The following BTAF1 variants were observed in gnomAD, a reference collection of about 807,000 sequenced individuals.
The protein encoded by BTAF1 is B-TFIID TATA-box binding protein associated factor 1, also known as TATA-binding protein-associated factor 172.
In BTAF1, 38 loss-of-function variants were observed where a neutral mutation model predicts 227.1. The observed-to-expected ratio is 0.17, with a 90% CI of 0.13 to 0.22. BTAF1 has a LOEUF of 0.22. BTAF1 is among the 10% of genes least tolerant of loss of function. BTAF1 has a pLI of 1.00. For missense variants in BTAF1, 1,598 were observed against 2,204.0 expected (o/e 0.73, Z 5.51); for synonymous variants, 742 against 751.9 (o/e 0.99, Z 0.21).
intron 4 of BTAF1, among the ~76,000 whole-genome samples, chr10:91,947,111 G>A (rs766445347): frequency 3.9e-5 from 6 of 152,158 alleles, no homozygotes; most frequent in Non-Finnish European, 8.8e-5. Flanking sequence ...CCAAAGTGCT[G>A]GGATTACAGG....
At chr10:91,931,612 G>A (rs563321578) in intron 1 of BTAF1, among the ~76,000 whole-genome samples, 28 of 152,080 alleles carry the variant, frequency 1.8e-4, no homozygotes, top group African/African-American at 6.3e-4. Flanking sequence ...CTCACCAAGG[G>A]CCCTGTCTAC....
chr10:91,927,087 C>T (rs1843894917), intron 1 of BTAF1, among the ~76,000 whole-genome samples: 2 of 151,886 alleles, frequency 1.3e-5, no homozygotes, highest in South Asian at 4.2e-4. Context: ...TGGAACACTT[C>T]TTAGCCCCAT....
At chr10:91,974,525 T>C (rs1054112477) in intron 14 of BTAF1, among the ~76,000 whole-genome samples, 8 of 152,154 alleles carry the variant, frequency 5.3e-5, no homozygotes, top group Non-Finnish European at 1.2e-4. Flanking sequence ...TTGGCAAGCT[T>C]GGCATCTTGA....
chr10:91,973,642 C>T (rs866813516), intron 14 of BTAF1, among the ~76,000 whole-genome samples: 1 of 152,064 alleles, frequency 6.6e-6, no homozygotes, highest in Non-Finnish European at 1.5e-5. Flanking sequence ...CGGTGGCTCA[C>T]GCCTGTAATC....
intron 6 of BTAF1, among the ~76,000 whole-genome samples, chr10:91,954,270 C>G (rs1845944802): frequency 6.6e-6 from 1 of 152,012 alleles, no homozygotes; most frequent in Non-Finnish European, 1.5e-5. Flanking sequence ...GTCTAAGGAC[C>G]ACAAGTTAAG....
chr10:91,982,772 G>A lies in BTAF1; in HGVS notation c.2223+11G>A. On this transcript the variant is annotated intron_variant, in intron 18 of 37. Transcript: ENST00000265990. ...GCTGCTTTACAAAAGGTAAGATTTT[G>A]CCCCAAAAGTAATAAAGACAAATTA... 1 of 1,584,702 alleles carries A rather than the reference G, an allele frequency of 6.3e-7. No individual in the cohort carries two copies. Among genetic ancestry groups the A allele is most frequent in the Non-Finnish European group, 8.6e-7 (1 of 1,164,078 alleles).
In BTAF1 at chr10:92,018,859, C is replaced by G; in HGVS notation, c.4787C>G (p.Thr1596Ser). 3 of 1,611,348 alleles carry G rather than the reference C, an allele frequency of 1.9e-6. No individual in the cohort carries two copies. The highest frequency in any genetic ancestry group is 2.5e-6 in the Non-Finnish European group (3 of 1,179,218). The stretch of plus-strand genomic sequence containing the variant: ...CCTCAACATCCAGAATTCAAGACCA[C>G]TGCCGAAAAACTGGCAGTTCAGAAT... ...LTPQHPEFKT[T>S]AEKLAVQNSS... Residue 1596 changes from threonine to serine, a missense_variant, in exon 34 of 38, where the codon ACT becomes AGT. This residue lies in a region of BTAF1 where 205 missense variants were observed against 244.5 expected (regional missense o/e 0.84). Transcript: ENST00000265990.
chr10:92,003,267 T>G (rs1295304488), intron 25 of BTAF1, among the ~76,000 whole-genome samples: 2 of 152,238 alleles, frequency 1.3e-5, no homozygotes, highest in Non-Finnish European at 2.9e-5. Flanking sequence ...CCCATTTAAT[T>G]AAGTTTTAAT....
chr10:92,026,686 G>A lies in BTAF1; in HGVS notation c.5170G>A (p.Val1724Met). 2.5e-6 allele frequency: 4 copies of A among 1,613,926 alleles called. No homozygotes were observed. The highest frequency in any genetic ancestry group is 3.4e-6 in the Non-Finnish European group (4 of 1,179,964). Reference protein sequence around the residue: ...NLTGADTVVFVEHDWNPMRDL... With the variant: ...NLTGADTVVFMEHDWNPMRDL... ...GACAGGCGCTGACACAGTAGTATTT[G>A]TGGAGCATGACTGGAATCCTATGCG... Residue 1724 changes from valine to methionine, a missense_variant, in exon 36 of 38, where the codon GTG becomes ATG. Physicochemically the swap from Val to Met is conservative, Grantham distance 21 (BLOSUM62 1). Around this residue, in one of 10 missense-constraint regions of BTAF1, gnomAD observed 205 missense variants for 244.5 expected, o/e 0.84. Coordinates refer to ENST00000265990, the MANE Select transcript of BTAF1 (RefSeq NM_003972.3).
chr10:91,980,623 T>G, intron 15 of BTAF1, 65 bp downstream of exon 15: 1 of 1,269,350 alleles, frequency 7.9e-7, no homozygotes, highest in South Asian at 1.2e-5. Flanking sequence ...AAATTTTTCA[T>G]AATTGCTGTT....
chr10:91,994,786 T>A (rs833384), intron 23 of BTAF1, 142 bp downstream of exon 23: 2 of 635,650 alleles, frequency 3.1e-6, no homozygotes, highest in East Asian at 2.9e-5. Context: ...AGATTCCTCC[T>A]TTACTAACAG....
Position 92,009,074 on chromosome 10 carries a change from A to C in BTAF1, c.3969A>C (p.Glu1323Asp). Residue 1323 changes from glutamate (E) to aspartate (D), a missense_variant, in exon 28 of 38, where the codon GAA becomes GAC. Glu to Asp is a conservative substitution (Grantham distance 45, BLOSUM62 2). This residue lies in a region of BTAF1 where 184 missense variants were observed against 341.1 expected (regional missense o/e 0.54). Coordinates refer to ENST00000265990, the MANE Select transcript of BTAF1 (RefSeq NM_003972.3). ...AQEYARSKLA[E>D]CMPLPSLVVC... is the part of the protein sequence containing the mutation. ...AATATGCAAGATCAAAATTAGCAGA[A>C]TGTATGCCACTTCCTTCCTTAGTGG... 1 of 1,614,136 alleles carries C rather than the reference A, an allele frequency of 6.2e-7. No individual in the cohort carries two copies. Among genetic ancestry groups the C allele is most frequent in the Non-Finnish European group, 8.5e-7 (1 of 1,180,002 alleles).
chr10:91,966,868 G>A (rs577331806), intron 14 of BTAF1, 111 bp downstream of exon 14: 2 of 985,102 alleles, frequency 2.0e-6, no homozygotes, highest in South Asian at 4.3e-5. Flanking sequence ...GACAATGTTG[G>A]GCCTAGTGGT....
chr10:91,953,740 C>T lies in BTAF1; in HGVS notation c.568C>T (p.Leu190Phe). The T allele has an allele frequency of 1.2e-6, 2 of 1,613,590 alleles. No individual in the cohort carries two copies. The highest frequency in any genetic ancestry group is 1.7e-6 in the Non-Finnish European group (2 of 1,179,830). ...CAGCATTCTTTTATTCTTTTAGACT[C>T]TTCAGGCAGCTGAATTGATTGACTC... ...SASFVNKQPT[L>F]QAAELIDSEF... is the part of the protein sequence containing the mutation. The change falls in exon 6 of 38, where the codon CTT becomes TTT. Residue 190 changes from leucine to phenylalanine, a missense_variant. Coordinates refer to ENST00000265990, the MANE Select transcript of BTAF1 (RefSeq NM_003972.3).
At chr10:92,026,342 C>A (rs530809095) in intron 35 of BTAF1, among the ~76,000 whole-genome samples, 40 of 152,192 alleles carry the variant, frequency 2.6e-4, no homozygotes, top group African/African-American at 8.4e-4. Context: ...TTAGTCCTTA[C>A]CTGATGTTAC....
rs1843657079 is a variant in BTAF1, at chr10:91,924,025, C to T, written c.-52C>T. On this transcript the variant is annotated 5_prime_UTR_variant, in exon 1 of 38. An upstream open reading frame in the 5' UTR gains an earlier in-frame stop. Transcript: ENST00000265990. ...CTCAGCTCTCTGGAAACTAGCGCCT[C>T]AGCTGCGCGGCGCGTAGGTCGCGGG... The T allele has an allele frequency of 6.3e-7, 1 of 1,593,228 alleles. No individual in the cohort carries two copies. Among genetic ancestry groups the T allele is most frequent in the Non-Finnish European group, 8.5e-7 (1 of 1,172,584 alleles).
intron 21 of BTAF1, 59 bp downstream of exon 21, chr10:91,992,368 A>G: frequency 7.0e-7 from 1 of 1,436,074 alleles, no homozygotes; most frequent in South Asian, 1.5e-5. Context: ...CTGACTTACA[A>G]ATTGAGAACT....
chr10:91,961,068 G>A (rs1370507892), intron 11 of BTAF1, among the ~76,000 whole-genome samples: 1 of 152,024 alleles, frequency 6.6e-6, no homozygotes, highest in Non-Finnish European at 1.5e-5. Flanking sequence ...CCTTCTCCCT[G>A]CTTCTCCACC....
chr10:91,969,974 A>AG (rs1564682685), intron 14 of BTAF1, among the ~76,000 whole-genome samples: 1 of 152,018 alleles, frequency 6.6e-6, no homozygotes, highest in Non-Finnish European at 1.5e-5. Flanking sequence ...AAAAAAAAAA[A>AG]AATTCGCCTT....
Sources: allele counts gnomAD v4.1 joint callset (sites outside exome capture counted in the v4.1 genomes callset), GRCh38; gene constraint gnomAD v4.1.1; regional missense constraint gnomAD v4.1.1; transcripts MANE v1.5; gene names NCBI Gene and HGNC (gene_info 2026-07-23, HGNC 2026-07-21).